Variants in LRP1B observed in about 807,000 individuals in gnomAD.
LRP1B encodes low-density lipoprotein receptor-related protein 1B.
A neutral mutation model predicts 556.6 loss-of-function variants in LRP1B; 217 were observed. That is an observed-to-expected ratio of 0.39 (90% CI 0.35 to 0.44). The LOEUF (loss-of-function observed/expected upper bound fraction) is 0.44, where lower values mean the gene tolerates loss of function less well. Among genes scored for constraint, LRP1B ranks in the 20% least tolerant of loss-of-function variants. The pLI, the probability that LRP1B is intolerant of heterozygous loss-of-function variation, is 1.00. For synonymous variants in LRP1B, 2,047 were observed against 1,865.8 expected, an observed-to-expected ratio of 1.10 and a Z score of -2.50; for missense variants, 5,053 against 5,620.8, an observed-to-expected ratio of 0.90 and a Z score of 3.23.
chr2:141,850,620 C>CTGTGTG (rs1491253561), intron 1 of LRP1B, among the ~76,000 whole-genome samples: 2 of 88,480 alleles, frequency 2.3e-5, no homozygotes, highest in Non-Finnish European at 4.6e-5. Context: ...CTAGCATAAA[C>CTGTGTG]TCTGTGTGTG....
intron 1 of LRP1B, among the ~76,000 whole-genome samples, chr2:141,964,833 T>C (rs1294222142): frequency 6.6e-6 from 1 of 150,396 alleles, no homozygotes; most frequent in Non-Finnish European, 1.5e-5. Context: ...AGAAAATTTT[T>C]GCAACCTACT....
chr2:141,822,128 C>CAGAGAGAGAGAGAGAGAG (rs1364248949), intron 1 of LRP1B, among the ~76,000 whole-genome samples: 3,011 of 116,494 alleles, frequency 0.026, 44 homozygotes, highest in Non-Finnish European at 0.034. Context: ...CACACACACA[C>CAGAGAGAGAGAGAGAGAG]ACAGAGAGAG....
chr2:140,657,536 GGATA>G (rs201469907), intron 41 of LRP1B, among the ~76,000 whole-genome samples: 4,201 of 148,226 alleles, frequency 0.028, 108 homozygotes, highest in Admixed American at 0.052. Context: ...ATGGATGGAT[GGATA>G]GATAGATATT....
intron 3 of LRP1B, among the ~76,000 whole-genome samples, chr2:141,291,007 C>A (rs924159278): frequency 2.0e-5 from 3 of 151,832 alleles, no homozygotes; most frequent in African/African-American, 7.3e-5. Flanking sequence ...GGCAATGTCA[C>A]CACTCTCATT....
At chr2:141,261,463 T>C (rs1684681478) in intron 3 of LRP1B, among the ~76,000 whole-genome samples, 1 of 152,182 alleles carries the variant, frequency 6.6e-6, no homozygotes, top group South Asian at 2.1e-4. Flanking sequence ...ATTCATAAGA[T>C]ACAGAACAGG....
At chr2:141,341,676 A>C (rs1688060687) in intron 3 of LRP1B, among the ~76,000 whole-genome samples, 1 of 152,178 alleles carries the variant, frequency 6.6e-6, no homozygotes. Flanking sequence ...ATCCCCAAAG[A>C]ATGCGGATGG....
In LRP1B at chr2:140,552,058, C is replaced by A. The variant is rs80311988; in HGVS notation, c.7195-10087G>T. On this transcript the variant is annotated intron_variant, in intron 43 of 90. Coordinates refer to ENST00000389484, the MANE Select transcript of LRP1B (RefSeq NM_018557.3). ...TGATACAACGTCAGACTCGAAGCAT[C>A]CAAGATTTGAATTAATTTTGACTTG... is the stretch of plus-strand genomic sequence containing the variant. Among the ~76,000 whole-genome samples, 1,180 of 152,102 alleles carry A rather than the reference C, an allele frequency of 7.8e-3. 15 individuals are homozygous for A. Among genetic ancestry groups the A allele is most frequent in the Non-Finnish European group, 0.014 (960 of 68,006 alleles).
chr2:140,346,772 T>C (rs1311616944), intron 77 of LRP1B, among the ~76,000 whole-genome samples: 1 of 151,938 alleles, frequency 6.6e-6, no homozygotes, highest in African/African-American at 2.4e-5. Context: ...GGTTTATAAA[T>C]AGAACTTCAA....
intron 10 of LRP1B, among the ~76,000 whole-genome samples, chr2:141,054,203 C>A (rs1339471475): frequency 6.6e-6 from 1 of 151,794 alleles, no homozygotes; most frequent in African/African-American, 2.4e-5. Context: ...AAGCACATGA[C>A]CAGAGGGTGG....
chr2:142,130,714 G>A lies in LRP1B; in HGVS notation c.16C>T (p.Leu6Phe). The A allele has an allele frequency of 6.2e-7, 1 of 1,612,684 alleles. No individual in the cohort carries two copies. MSEFL[L>F]ALLTLSGLLP... Reference sequence around the variant, plus strand: ...AATCCCGAGAGAGTGAGTAAGGCGAGGAGAAACTCGGACATTGTGGTCGCC... The same window carrying A: ...AATCCCGAGAGAGTGAGTAAGGCGAAGAGAAACTCGGACATTGTGGTCGCC... Residue 6 changes from leucine to phenylalanine, a missense_variant, in exon 1 of 91, where the codon CTC becomes TTC. Transcript: ENST00000389484.
rs561420155 is a variant in LRP1B, at chr2:141,093,741, G to A, written c.1014-31468C>T. Among the ~76,000 whole-genome samples, 6 of 151,558 alleles carry A rather than the reference G, an allele frequency of 4.0e-5. No individual in the cohort carries two copies. The East Asian group carries it at 1.2e-3, about 29-fold the overall frequency. On this transcript the variant is annotated intron_variant, in intron 7 of 90. Coordinates refer to ENST00000389484, the MANE Select transcript of LRP1B (RefSeq NM_018557.3). ...AAAAAACAACAATTTTTTTTTGACA[G>A]AGTTGCTTTGTCGTCCAGGCTGGAG... is the stretch of plus-strand genomic sequence containing the variant.
At chr2:140,310,182 T>C (rs1162720272) in intron 83 of LRP1B, among the ~76,000 whole-genome samples, 1 of 151,860 alleles carries the variant, frequency 6.6e-6, no homozygotes, top group Non-Finnish European at 1.5e-5. Context: ...CACTTTCTTA[T>C]TATGCTTTCT....
chr2:141,057,362 G>C (rs1181049969), intron 9 of LRP1B, among the ~76,000 whole-genome samples: 1 of 151,672 alleles, frequency 6.6e-6, no homozygotes, highest in Non-Finnish European at 1.5e-5. Context: ...AGGTATTCTT[G>C]CCACTCCTTG....
In LRP1B at chr2:140,503,118, A is replaced by G; in HGVS notation, c.8522-15T>C. ...CTGTCGATATCCTAGAGACGCAGAA[A>G]AAACATTTGACTAATTCACATAACA... On this transcript the variant is annotated splice_polypyrimidine_tract_variant and intron_variant, in intron 53 of 90. Transcript: ENST00000389484. 1 of 1,611,594 alleles carries G rather than the reference A, an allele frequency of 6.2e-7. No homozygotes were observed.
intron 66 of LRP1B, among the ~76,000 whole-genome samples, chr2:140,429,317 A>G (rs1421197894): frequency 6.6e-6 from 1 of 151,960 alleles, no homozygotes; most frequent in African/African-American, 2.4e-5. Context: ...TCCACCCCAT[A>G]GTGCCAAACC....
chr2:141,340,751 C>A (rs1296859847), intron 3 of LRP1B, among the ~76,000 whole-genome samples: 3 of 152,044 alleles, frequency 2.0e-5, no homozygotes, highest in African/African-American at 7.3e-5. Flanking sequence ...ACAGTCAATA[C>A]CCCTTGAAAA....
At chr2:140,854,474 T>C (rs1692555696) in intron 27 of LRP1B, among the ~76,000 whole-genome samples, 1 of 152,204 alleles carries the variant, frequency 6.6e-6, no homozygotes, top group South Asian at 2.1e-4. Context: ...CATTTTCATC[T>C]CTTCTCACTT....
chr2:140,348,651 T>C, intron 77 of LRP1B, among the ~76,000 whole-genome samples: 1 of 152,146 alleles, frequency 6.6e-6, no homozygotes, highest in East Asian at 1.9e-4. Flanking sequence ...TTTTATATCC[T>C]ATTCAAATAA....
At chr2:141,348,447 T>G (rs1242843051) in intron 3 of LRP1B, among the ~76,000 whole-genome samples, 1 of 151,974 alleles carries the variant, frequency 6.6e-6, no homozygotes, top group Non-Finnish European at 1.5e-5. Flanking sequence ...GGTCAAATAT[T>G]AATAGGTATT....
Sources: allele counts gnomAD v4.1 joint callset (sites outside exome capture counted in the v4.1 genomes callset), GRCh38; gene constraint gnomAD v4.1.1; transcripts MANE v1.5; gene names NCBI Gene and HGNC (gene_info 2026-07-23, HGNC 2026-07-21).